Variants in STON2 observed in about 807,000 individuals in gnomAD.
STON2 encodes stonin-2.
A neutral mutation model predicts 65.7 loss-of-function variants in STON2; 29 were observed. That is an observed-to-expected ratio of 0.44 (90% CI 0.33 to 0.60). The LOEUF (loss-of-function observed/expected upper bound fraction) is 0.60. Ranked by LOEUF, STON2 falls within the 20% of genes least tolerant of loss-of-function variation. STON2 has a pLI of 0.03. For missense variants in STON2, 1,054 were observed against 1,118.1 expected, an observed-to-expected ratio of 0.94 and a Z score of 0.82; for synonymous variants, 404 against 414.2, an observed-to-expected ratio of 0.98 and a Z score of 0.30.
At chr14:81,346,124 A>C (rs1322750410) in intron 4 of STON2, among the ~76,000 whole-genome samples, 1 of 152,208 alleles carries the variant, frequency 6.6e-6, no homozygotes, top group African/African-American at 2.4e-5. Flanking sequence ...TGACCCAATG[A>C]AAGTTGTGAA....
rs1330282680 is a variant in STON2, at chr14:81,278,317, T to C, written c.1165A>G (p.Ser389Gly). ...CTCTCCTGCTCCTCAAAGAAAGCAC[T>C]GAAAGGGTTGATAGGGGAGGGCTGT... Reference protein sequence around the residue: ...DVQPSPINPFSAFFEEQERRS... With the variant: ...DVQPSPINPFGAFFEEQERRS... Residue 389 changes from serine (S) to glycine (G), a missense_variant, in exon 6 of 8, where the codon AGT (serine) becomes GGT (glycine). By Grantham distance (56) the Ser-to-Gly change is moderately conservative (BLOSUM62 0). Transcript: ENST00000614646. 3.1e-6 allele frequency: 5 copies of C among 1,614,130 alleles called. No individual in the cohort carries two copies. The highest frequency in any genetic ancestry group is 4.2e-6 in the Non-Finnish European group (5 of 1,180,018).
chr14:81,347,902 C>CAA (rs755109204), intron 4 of STON2, among the ~76,000 whole-genome samples: 1,936 of 51,402 alleles, frequency 0.038, 78 homozygotes, highest in African/African-American at 0.079. Context: ...TGTCTCTTAC[C>CAA]AAAAAAAAAA....
intron 2 of STON2, among the ~76,000 whole-genome samples, chr14:81,426,044 A>G (rs937016348): frequency 7.2e-5 from 11 of 152,360 alleles, no homozygotes; most frequent in African/African-American, 2.2e-4. Context: ...CTTTCAAGAC[A>G]TAAAGTGGTG....
At chr14:81,329,056 C>G (rs1200820196) in intron 4 of STON2, among the ~76,000 whole-genome samples, 1 of 152,088 alleles carries the variant, frequency 6.6e-6, no homozygotes, top group Non-Finnish European at 1.5e-5. Flanking sequence ...CCAGAACGTA[C>G]GAATGTGACT....
chr14:81,264,700 C>A lies in STON2; in HGVS notation c.*3714G>T. The A allele has an allele frequency of 3.0e-6, 3 of 985,172 alleles. No homozygotes were observed. The highest frequency in any genetic ancestry group is 1.1e-4 in the East Asian group (1 of 8,814). 61.0% of individuals were successfully genotyped at this position (985,172 alleles called of 1,614,324 possible). On this transcript the variant is annotated 3_prime_UTR_variant, in exon 8 of 8. Coordinates refer to ENST00000614646, the MANE Select transcript of STON2 (RefSeq NM_001394390.1). ...AACAATGTTCTCAAGGATTATGAAC[C>A]CTGCCAATAATGCAGGAAGGCACAG...
chr14:81,366,074 C>T (rs1255183673), intron 4 of STON2, among the ~76,000 whole-genome samples: 1 of 152,194 alleles, frequency 6.6e-6, no homozygotes, highest in Non-Finnish European at 1.5e-5. Context: ...ATTCTCCTGC[C>T]ATTCGCTCTT....
chr14:81,400,233 T>C (rs1183744472), intron 1 of STON2, among the ~76,000 whole-genome samples, 46 bp downstream of exon 1: 1 of 152,098 alleles, frequency 6.6e-6, no homozygotes. Flanking sequence ...AGGCCAGACA[T>C]AGGCAAACAG....
At chr14:81,316,913 G>A (rs1205766325) in intron 5 of STON2, among the ~76,000 whole-genome samples, 2 of 152,168 alleles carry the variant, frequency 1.3e-5, no homozygotes, top group Non-Finnish European at 2.9e-5. Flanking sequence ...CCAGCTACAT[G>A]GGAGGCTGAG....
intron 5 of STON2, among the ~76,000 whole-genome samples, chr14:81,302,213 T>C (rs1895994602): frequency 6.6e-6 from 1 of 152,210 alleles, no homozygotes; most frequent in South Asian, 2.1e-4. Flanking sequence ...CTTACAGCAA[T>C]ACTCACTTTA....
intron 5 of STON2, among the ~76,000 whole-genome samples, chr14:81,316,710 A>AC (rs1896633476): frequency 2.0e-5 from 3 of 152,168 alleles, no homozygotes; most frequent in African/African-American, 4.8e-5. Flanking sequence ...AAGACCTGAG[A>AC]CTGGGTAATT....
At chr14:81,373,641 C>G (rs908450382) in intron 3 of STON2, among the ~76,000 whole-genome samples, 4 of 152,172 alleles carry the variant, frequency 2.6e-5, no homozygotes, top group African/African-American at 9.7e-5. Flanking sequence ...AAACCAGACT[C>G]TTGAGTTTTC....
intron 4 of STON2, among the ~76,000 whole-genome samples, chr14:81,339,046 TCGA>T (rs1212228546): frequency 2.6e-5 from 4 of 151,218 alleles, no homozygotes; most frequent in African/African-American, 9.7e-5. Flanking sequence ...AAGAGGACAT[TCGA>T]TAGAGGGAAG....
chr14:81,262,456 T>C lies in STON2; in HGVS notation c.*5958A>G. ...TTTACTATGCAATCTTTATTTTTCC[T>C]GGAGCTTCTTACTTTTAACTTTAAG... On this transcript the variant is annotated 3_prime_UTR_variant, in exon 8 of 8. Coordinates refer to ENST00000614646, the MANE Select transcript of STON2 (RefSeq NM_001394390.1). 1.0e-6 allele frequency: 1 copy of C among 985,380 alleles called. No homozygotes were observed. The highest frequency in any genetic ancestry group is 1.2e-6 in the Non-Finnish European group (1 of 829,838). The allele number at this position is 985,380 out of a possible 1,614,324, so 61.0% of individuals were successfully genotyped here.
intron 4 of STON2, among the ~76,000 whole-genome samples, chr14:81,330,724 G>A (rs1476343569): frequency 6.6e-6 from 1 of 152,140 alleles, no homozygotes; most frequent in Non-Finnish European, 1.5e-5. Context: ...TATTGCAGGT[G>A]TGCTAGTTTT....
rs1341156504 is a variant in STON2, at chr14:81,412,938, C to T, written c.-199+14164G>A. On this transcript the variant is annotated intron_variant, in intron 2 of 8. Transcript: ENST00000553821. The stretch of plus-strand genomic sequence containing the variant: ...TTAGCACCTCCCCAGGAGACCGTTG[C>T]AGTCAGCCAGCCCCCTTCTCCATGG... 7.9e-6 allele frequency: 6 copies of T among 763,604 alleles called. 1 individual carries two copies. The highest frequency in any genetic ancestry group is 1.3e-5 in the Non-Finnish European group (6 of 461,286). 47.3% of individuals were successfully genotyped at this position (763,604 alleles called of 1,614,324 possible). A position where few individuals can be genotyped will look rare whatever the true frequency, so the allele number is the denominator to read the frequency against.
In STON2 at chr14:81,266,414, T is replaced by C. The variant is rs10133562; in HGVS notation, c.*2000A>G. Among the ~76,000 whole-genome samples the C allele has an allele frequency of 0.79, 120,204 of 152,168 alleles. 48,387 individuals are homozygous for C. Among genetic ancestry groups the C allele is most frequent in the African/African-American group, 0.91 (37,849 of 41,546 alleles). ...ATTCCTCTTCCTTTTCATAGCTCAA[T>C]AGAAATTTCTAGGCAGCTATTGTAT... On this transcript the variant is annotated 3_prime_UTR_variant, in exon 8 of 8. Transcript: ENST00000614646.
intron 3 of STON2, among the ~76,000 whole-genome samples, chr14:81,387,068 C>T (rs1241608752): frequency 1.3e-5 from 2 of 151,770 alleles, no homozygotes; most frequent in Non-Finnish European, 2.9e-5. Context: ...AAGGACTCAA[C>T]GTGAATAAGA....
intron 2 of STON2, among the ~76,000 whole-genome samples, chr14:81,405,375 G>T (rs533319241): frequency 4.4e-4 from 66 of 148,392 alleles, no homozygotes; most frequent in African/African-American, 1.6e-3. Flanking sequence ...TTTTCCTTTA[G>T]TTCTTTGAAC....
intron 3 of STON2, among the ~76,000 whole-genome samples, chr14:81,387,909 G>A (rs1219169884): frequency 7.0e-6 from 1 of 142,080 alleles, no homozygotes; most frequent in Non-Finnish European, 1.5e-5. Context: ...AAAGGCTTTT[G>A]TCACTCTCAT....
Sources: allele counts gnomAD v4.1 joint callset (sites outside exome capture counted in the v4.1 genomes callset), GRCh38; gene constraint gnomAD v4.1.1; transcripts MANE v1.5; gene names NCBI Gene and HGNC (gene_info 2026-07-23, HGNC 2026-07-21).